RADIL: variants seen among roughly 807,000 people sequenced by gnomAD.
RADIL encodes ras-associating and dilute domain-containing protein.
In RADIL, 99 loss-of-function variants were observed where a neutral mutation model predicts 97.6. The ratio of observed to expected loss-of-function variants is 1.01; its 90% CI spans 0.86 to 1.20. The LOEUF (loss-of-function observed/expected upper bound fraction) is 1.20. Among genes scored for constraint, RADIL ranks in the 50% most tolerant of loss-of-function variants. RADIL has a pLI of 0.00. For missense variants in RADIL, 1,765 were observed against 1,498.9 expected (o/e 1.18, Z -2.93); for synonymous variants, 803 against 691.8 (o/e 1.16, Z -2.52).
chr7:4,804,240 C>T (rs920939075), intron 10 of RADIL, among the ~76,000 whole-genome samples: 4 of 152,334 alleles, frequency 2.6e-5, no homozygotes, highest in Middle Eastern at 3.4e-3. Context: ...CGGAAGAGTG[C>T]GTGCATACTG....
chr7:4,801,230 G>A (rs542249569), intron 12 of RADIL, among the ~76,000 whole-genome samples: 2 of 152,280 alleles, frequency 1.3e-5, no homozygotes, highest in East Asian at 3.9e-4. Flanking sequence ...GCACCTGTGA[G>A]CACACATATC....
rs1369203748 is a variant in RADIL, at chr7:4,854,577, C to T, written c.536-17972G>A. On this transcript the variant is annotated intron_variant, in intron 2 of 14. Coordinates refer to ENST00000399583, the MANE Select transcript of RADIL (RefSeq NM_018059.5). The surrounding 1 kb of genome is among the most constrained non-coding windows in gnomAD (Gnocchi z 5.1). ...GGTATGTTGGCGGGCGCCTGTAATC[C>T]CAGCTACTCGGAAGACTGAGACAGG... is the stretch of plus-strand genomic sequence containing the variant. Among the ~76,000 whole-genome samples the T allele has an allele frequency of 1.3e-5, 2 of 152,044 alleles. No individual in the cohort carries two copies. The highest frequency in any genetic ancestry group is 2.9e-5 in the Non-Finnish European group (2 of 68,024).
At chr7:4,846,866 G>C (rs777578777) in intron 2 of RADIL, among the ~76,000 whole-genome samples, 3 of 152,012 alleles carry the variant, frequency 2.0e-5, no homozygotes, top group Non-Finnish European at 2.9e-5. Context: ...TTTTTTAATG[G>C]ACAAGGATTT....
rs748495931 is a variant in RADIL at position 4,834,857 on chromosome 7, CG to C, written c.1165del (p.Arg389GlyfsTer34). 1.6e-5 allele frequency: 21 copies of C among 1,323,078 alleles called. No homozygotes were observed. The African/African-American group carries it at 2.8e-4, about 18-fold the overall frequency. The allele number at this position is 1,323,078 out of a possible 1,614,324, so 82.0% of individuals were successfully genotyped here. A position where few individuals can be genotyped will look rare whatever the true frequency, so the allele number is the denominator to read the frequency against. On this transcript the variant is annotated frameshift_variant, in exon 4 of 15. Transcript: ENST00000399583. LOFTEE classifies it high-confidence loss of function. This position sits in a 1 kb window ranked among gnomAD's most constrained non-coding sequence, Gnocchi z 6.0. ...CRLCGAALGA[R>X]GAASPTQAAL... ...GGCCTGAGTAGGGGAGGCGGCTCCC[CG>C]GGCCCCGAGCGCGGCCCCGCACAGC... is the stretch of plus-strand genomic sequence containing the variant.
intron 2 of RADIL, among the ~76,000 whole-genome samples, chr7:4,852,297 G>A (rs1264255674): frequency 6.6e-6 from 1 of 152,186 alleles, no homozygotes; most frequent in Admixed American, 6.5e-5. Flanking sequence ...ATCCCAGAGG[G>A]TGGCACCAAG....
At chr7:4,823,829 G>C (rs947643961) in intron 5 of RADIL, among the ~76,000 whole-genome samples, 4 of 152,246 alleles carry the variant, frequency 2.6e-5, no homozygotes, top group Admixed American at 1.3e-4. Context: ...GCAAGGCTGT[G>C]CTGAGGTGCC....
chr7:4,817,369 C>T lies in RADIL; in HGVS notation c.1616-18G>A, dbSNP rs375995599. ...CTTCGAGCCTGCCGGGAGACAGCCA[C>T]GCCAATGGTCACAACGGGCACAGCG... On this transcript the variant is annotated intron_variant, in intron 6 of 14. Transcript: ENST00000399583. This position sits in a 1 kb window ranked among gnomAD's most constrained non-coding sequence, Gnocchi z 8.3. 13 of 1,604,900 alleles carry T rather than the reference C, an allele frequency of 8.1e-6. No individual in the cohort carries two copies. The highest frequency in any genetic ancestry group is 5.5e-5 in the South Asian group (5 of 90,436).
chr7:4,808,114 T>TCCTCCTCTCCTTCC (rs1562429819), intron 9 of RADIL, among the ~76,000 whole-genome samples: 2 of 100,998 alleles, frequency 2.0e-5, no homozygotes, highest in Non-Finnish European at 3.9e-5. Flanking sequence ...CTCTTCCTTC[T>TCCTCCTCTCCTTCC]CCTCCTCTCC....
Position 4,837,723 on chromosome 7 carries a change from G to T in RADIL, c.536-1118C>A, listed in dbSNP as rs549894783. The T allele has an allele frequency of 1.1e-5, 7 of 617,190 alleles. No homozygotes were observed. The highest frequency in any genetic ancestry group is 1.4e-5 in the Non-Finnish European group (7 of 494,646). 38.2% of individuals were successfully genotyped at this position (617,190 alleles called of 1,614,324 possible). On this transcript the variant is annotated intron_variant, in intron 2 of 14. Transcript: ENST00000399583. The surrounding 1 kb of genome is among the most constrained non-coding windows in gnomAD (Gnocchi z 5.6). ...CACACAAACATGCGCACAGTTCAGA[G>T]ATAACACACACCCTTAGAAGACTTA...
intron 2 of RADIL, among the ~76,000 whole-genome samples, chr7:4,847,027 A>G (rs7789495): frequency 0.38 from 58,487 of 152,004 alleles, 11,491 homozygotes; most frequent in South Asian, 0.51. Flanking sequence ...GTTATAATAA[A>G]AAAGGTAAAC....
intron 3 of RADIL, 113 bp downstream of exon 3, chr7:4,836,245 C>G (rs1168928160): frequency 1.4e-6 from 2 of 1,468,822 alleles, no homozygotes; most frequent in Admixed American, 4.4e-5. Context: ...GGGGCTGCAG[C>G]CACAGAGCTC....
chr7:4,861,728 C>T, intron 2 of RADIL: 1 of 1,534,104 alleles, frequency 6.5e-7, no homozygotes. Context: ...GACCGCTAGA[C>T]TGATAGGCGA....
intron 2 of RADIL, among the ~76,000 whole-genome samples, chr7:4,846,628 G>A (rs13227970): frequency 1.4e-5 from 2 of 147,684 alleles, no homozygotes; most frequent in East Asian, 4.2e-4. Flanking sequence ...TCACTGCAAC[G>A]TCCGCCTTCC....
At chr7:4,857,082 A>C (rs1276535779) in intron 2 of RADIL, among the ~76,000 whole-genome samples, 1 of 152,222 alleles carries the variant, frequency 6.6e-6, no homozygotes, top group Non-Finnish European at 1.5e-5. Flanking sequence ...GCTGTTTTGA[A>C]ATCTTCTATG....
intron 6 of RADIL, among the ~76,000 whole-genome samples, chr7:4,820,360 C>T (rs918903394): frequency 2.6e-5 from 4 of 152,162 alleles, no homozygotes; most frequent in African/African-American, 9.6e-5. Flanking sequence ...AGGTGGGAAC[C>T]TTGCGTGGAG....
chr7:4,860,116 T>G, intron 2 of RADIL: 1 of 1,614,042 alleles, frequency 6.2e-7, no homozygotes, highest in Admixed American at 1.7e-5. Context: ...TAGCCACAGA[T>G]GCTGTCATTA....
In RADIL at chr7:4,816,479, G is replaced by A. The variant is rs766177988; in HGVS notation, c.1729-14C>T. 3 of 1,589,304 alleles carry A rather than the reference G, an allele frequency of 1.9e-6. No individual in the cohort carries two copies. Among genetic ancestry groups the A allele is most frequent in the African/African-American group, 1.3e-5 (1 of 74,594 alleles). On this transcript the variant is annotated splice_polypyrimidine_tract_variant and intron_variant, in intron 7 of 14. Coordinates refer to ENST00000399583, the MANE Select transcript of RADIL (RefSeq NM_018059.5). ...GATGTACAGGGACTGGCGGGGGCAA[G>A]AGGAGAACAGCAACCAGCATTTCCA...
chr7:4,855,796 T>C (rs1783814817), intron 2 of RADIL, among the ~76,000 whole-genome samples: 1 of 151,888 alleles, frequency 6.6e-6, no homozygotes, highest in Admixed American at 6.6e-5. Flanking sequence ...GTTGGGGATT[T>C]TATTGTTTTC....
At chr7:4,856,404 C>T (rs1487656997) in intron 2 of RADIL, among the ~76,000 whole-genome samples, 1 of 152,228 alleles carries the variant, frequency 6.6e-6, no homozygotes, top group Non-Finnish European at 1.5e-5. Context: ...GCTACCGCAC[C>T]CGGCCTGTTG....
Sources: gnomAD v4.1 joint callset for allele counts (sites outside exome capture counted in the v4.1 genomes callset) on GRCh38, gnomAD v4.1.1 for gene constraint, Gnocchi (gnomAD v3.1) non-coding constraint, MANE v1.5 for transcripts, NCBI Gene and HGNC (gene_info 2026-07-23, HGNC 2026-07-21) for gene names.